CUX1: variants seen among roughly 807,000 people sequenced by gnomAD.
CUX1 encodes the protein protein CASP.
In CUX1, 31 loss-of-function variants were observed where a neutral mutation model predicts 158.8. The ratio of observed to expected loss-of-function variants is 0.20; its 90% confidence interval spans 0.15 to 0.26. CUX1 has a LOEUF of 0.26. CUX1 is among the 10% of genes least tolerant of loss of function. The pLI, the probability that CUX1 is intolerant of heterozygous loss-of-function variation, is 1.00. For missense variants in CUX1, 1,589 were observed against 2,014.6 expected (o/e 0.79, Z 4.04); for synonymous variants, 879 against 862.1 (o/e 1.02, Z -0.34).
At chr7:102,115,324 T>G (rs782435522) in intron 8 of CUX1, 51 bp downstream of exon 8, 1 of 1,541,988 alleles carries the variant, frequency 6.5e-7, no homozygotes, top group East Asian at 2.3e-5. Flanking sequence ...CTCACCTGAT[T>G]TTGCTTGAGT....
intron 6 of CUX1, among the ~76,000 whole-genome samples, chr7:102,110,632 A>G (rs1554489811): frequency 6.6e-6 from 1 of 152,200 alleles, no homozygotes; most frequent in Non-Finnish European, 1.5e-5. Context: ...ATTAGTTCAT[A>G]GTACACTATC....
At chr7:102,244,715 C>T (rs915696442) in intron 23 of CUX1, among the ~76,000 whole-genome samples, 2 of 152,218 alleles carry the variant, frequency 1.3e-5, no homozygotes, top group South Asian at 4.1e-4. Context: ...ATATCTCAGG[C>T]TGACCATTTA....
intron 11 of CUX1, among the ~76,000 whole-genome samples, chr7:102,185,125 G>A (rs554393831): frequency 2.6e-5 from 4 of 152,254 alleles, no homozygotes; most frequent in East Asian, 1.9e-4. Context: ...AGACCTTCAC[G>A]AACAGAGCCC....
intron 1 of CUX1, among the ~76,000 whole-genome samples, chr7:101,850,421 C>CTTTTTTTTTTTTTTTTTTTTTTTTTT (rs545679696): frequency 9.6e-6 from 1 of 104,660 alleles, no homozygotes; most frequent in Non-Finnish European, 1.9e-5. Flanking sequence ...TTCTTTCTTT[C>CTTTTTTTTTTTTTTTTTTTTTTTTTT]TTTTTTTTTT....
intron 13 of CUX1, among the ~76,000 whole-genome samples, 194 bp from the exon 14 acceptor site, chr7:102,195,313 C>G (rs939571030): frequency 1.3e-4 from 20 of 152,130 alleles, no homozygotes; most frequent in Non-Finnish European, 1.9e-4. Flanking sequence ...TCCATTCTTT[C>G]TAAAGGGAAC....
At chr7:101,905,600 A>G (rs1802662781) in intron 1 of CUX1, among the ~76,000 whole-genome samples, 1 of 152,192 alleles carries the variant, frequency 6.6e-6, no homozygotes, top group Admixed American at 6.5e-5. Flanking sequence ...TCTTCAGGGT[A>G]CTGGGGACCA....
chr7:101,949,331 C>A (rs958643968), intron 2 of CUX1, among the ~76,000 whole-genome samples: 1 of 151,822 alleles, frequency 6.6e-6, no homozygotes, highest in Admixed American at 6.6e-5. Context: ...CGGGTTTCAC[C>A]GTGTTAGCCA....
chr7:102,088,454 T>TA (rs1828174521), intron 4 of CUX1, among the ~76,000 whole-genome samples: 1 of 151,940 alleles, frequency 6.6e-6, no homozygotes, highest in Non-Finnish European at 1.5e-5. Context: ...CCAATATGGT[T>TA]AAAGCCCTGT....
chr7:101,841,145 G>T (rs981695855), intron 1 of CUX1, among the ~76,000 whole-genome samples: 2 of 151,996 alleles, frequency 1.3e-5, no homozygotes, highest in East Asian at 3.9e-4. Context: ...CGCCCGCCTC[G>T]GCCTCCCAAA....
chr7:101,954,673 C>T (rs569627378), intron 2 of CUX1, among the ~76,000 whole-genome samples: 1 of 152,094 alleles, frequency 6.6e-6, no homozygotes, highest in Admixed American at 6.5e-5. Context: ...AGTGCAGCCA[C>T]CATTGCCCAT....
rs200236770 is a variant in CUX1, at chr7:102,255,840, AT to A, written c.*6806del. On this transcript the variant is annotated 3_prime_UTR_variant, in exon 24 of 24. Transcript: ENST00000292535. ...CCTTCTTCTTTTTTATTATTTTATT[AT>A]TTTTTTTGTACTTTGCTTTAAACGG... 330 of 981,692 alleles carry A rather than the reference AT, an allele frequency of 3.4e-4. No individual in the cohort carries two copies. Among genetic ancestry groups the A allele is most frequent in the African/African-American group, 3.2e-3 (184 of 56,990 alleles). 60.8% of individuals were successfully genotyped at this position (981,692 alleles called of 1,614,324 possible).
intron 3 of CUX1, among the ~76,000 whole-genome samples, chr7:102,042,698 C>G (rs6945888): frequency 0.18 from 27,821 of 152,128 alleles, 2,986 homozygotes; most frequent in Non-Finnish European, 0.25. Context: ...CAACCTATTT[C>G]TAACTTTTTC....
intron 1 of CUX1, among the ~76,000 whole-genome samples, chr7:101,868,882 C>T (rs1429862280): frequency 6.6e-6 from 1 of 152,110 alleles, no homozygotes; most frequent in East Asian, 1.9e-4. Flanking sequence ...GAGGGCCTTG[C>T]GCACTGATGC....
intron 3 of CUX1, among the ~76,000 whole-genome samples, chr7:102,046,223 G>A (rs868022296): frequency 4.6e-5 from 7 of 152,162 alleles, no homozygotes; most frequent in Non-Finnish European, 7.4e-5. Context: ...GAAACCCCAG[G>A]ACTTACCCAA....
intron 8 of CUX1, among the ~76,000 whole-genome samples, chr7:102,122,672 C>T (rs578060110): frequency 9.9e-5 from 15 of 152,248 alleles, no homozygotes; most frequent in Non-Finnish European, 1.3e-4. Flanking sequence ...TGAGCGCTGA[C>T]GATTCTTTGC....
At chr7:101,924,784 G>A (rs1344919701) in intron 2 of CUX1, among the ~76,000 whole-genome samples, 5 of 149,912 alleles carry the variant, frequency 3.3e-5, no homozygotes, top group African/African-American at 7.4e-5. Flanking sequence ...TTTGTTGCCC[G>A]GGCTGATCTC....
At chr7:102,058,146 G>A (rs555388876) in intron 3 of CUX1, among the ~76,000 whole-genome samples, 77 of 152,262 alleles carry the variant, frequency 5.1e-4, no homozygotes, top group Non-Finnish European at 7.5e-4. Flanking sequence ...ATTAAGATAT[G>A]TACATTTTTG....
At chr7:102,167,955 G>A (rs1586012291) in intron 9 of CUX1, among the ~76,000 whole-genome samples, 2 of 152,198 alleles carry the variant, frequency 1.3e-5, no homozygotes, top group East Asian at 1.9e-4. Context: ...TTGTGTGTCT[G>A]TAATCCTAGC....
chr7:102,044,192 T>G (rs1235930644), intron 3 of CUX1, among the ~76,000 whole-genome samples: 4 of 150,902 alleles, frequency 2.7e-5, no homozygotes, highest in African/African-American at 9.7e-5. Context: ...CGTTTTTTTG[T>G]TTTTTTTGGA....
Sources: gnomAD v4.1 joint callset for allele counts (sites outside exome capture counted in the v4.1 genomes callset) on GRCh38, gnomAD v4.1.1 for gene constraint, MANE v1.5 for transcripts, NCBI Gene and HGNC (gene_info 2026-07-23, HGNC 2026-07-21) for gene names.